The following VPS13B variants were observed in gnomAD, a reference collection of about 807,000 sequenced individuals.
The protein encoded by VPS13B is vacuolar protein sorting 13 homolog B.
A neutral mutation model predicts 426.4 loss-of-function variants in VPS13B; 285 were observed. The ratio of observed to expected loss-of-function variants is 0.67; its 90% CI spans 0.61 to 0.74. The LOEUF (loss-of-function observed/expected upper bound fraction) is 0.74, where lower values mean the gene tolerates loss of function less well. VPS13B is among the 30% of genes least tolerant of loss of function. VPS13B has a pLI of 0.00. For synonymous variants in VPS13B, 1,676 were observed against 1,676.4 expected, an observed-to-expected ratio of 1.00 and a Z score of 0.01; for missense variants, 4,537 against 4,782.6, an observed-to-expected ratio of 0.95 and a Z score of 1.51.
intron 21 of VPS13B, among the ~76,000 whole-genome samples, chr8:99,393,888 T>C (rs1396417703): frequency 6.6e-6 from 1 of 152,142 alleles, no homozygotes; most frequent in Non-Finnish European, 1.5e-5. Context: ...CAGTCTTCTT[T>C]TTTAGAATAA....
chr8:99,751,331 GAGA>G (rs577229481), intron 39 of VPS13B, among the ~76,000 whole-genome samples: 253 of 152,114 alleles, frequency 1.7e-3, no homozygotes, highest in Non-Finnish European at 3.0e-3. Flanking sequence ...CTTATTATAT[GAGA>G]AGAAGATCTC....
chr8:99,855,430 T>C lies in VPS13B; in HGVS notation c.10867+1174T>C, dbSNP rs377198285. Among the ~76,000 whole-genome samples the C allele has an allele frequency of 1.6e-4, 24 of 152,264 alleles. No homozygotes were observed. The East Asian group carries it at 3.7e-3, about 23-fold the overall frequency. On this transcript the variant is annotated intron_variant, in intron 56 of 61. Coordinates refer to ENST00000357162, the MANE Select transcript of VPS13B (RefSeq NM_152564.5). Reference sequence around the variant, plus strand: ...AACCATGTGGTCTCAGGGTACGTTATGGTAATCGGCATCACAGTGTGTGTT... The same window carrying C: ...AACCATGTGGTCTCAGGGTACGTTACGGTAATCGGCATCACAGTGTGTGTT...
At chr8:99,028,332 G>A (rs1247703511) in intron 2 of VPS13B, among the ~76,000 whole-genome samples, 1 of 150,580 alleles carries the variant, frequency 6.6e-6, no homozygotes, top group South Asian at 2.1e-4. Flanking sequence ...GCGGCTGGCC[G>A]GGCAGGGGGC....
At chr8:99,381,579 C>T (rs1036497529) in intron 19 of VPS13B, among the ~76,000 whole-genome samples, 8 of 152,110 alleles carry the variant, frequency 5.3e-5, no homozygotes, top group Admixed American at 1.3e-4. Flanking sequence ...TATTTTTTGA[C>T]GTTTTAATAA....
intron 40 of VPS13B, 94 bp downstream of exon 40, chr8:99,767,064 C>A: frequency 1.6e-6 from 2 of 1,243,998 alleles, no homozygotes; most frequent in Non-Finnish European, 2.3e-6. Flanking sequence ...AACTGTATCT[C>A]AGCTGTCTAG....
intron 51 of VPS13B, among the ~76,000 whole-genome samples, chr8:99,828,528 C>G (rs149368359): frequency 6.7e-6 from 1 of 149,308 alleles, no homozygotes; most frequent in Non-Finnish European, 1.5e-5. Flanking sequence ...ATACAGCACA[C>G]TGATAGGTGT....
At chr8:99,344,083 A>G (rs1345181626) in intron 19 of VPS13B, among the ~76,000 whole-genome samples, 1 of 152,216 alleles carries the variant, frequency 6.6e-6, no homozygotes, top group African/African-American at 2.4e-5. Flanking sequence ...TGTTATCAAA[A>G]CAGGATGATA....
intron 3 of VPS13B, among the ~76,000 whole-genome samples, chr8:99,070,881 T>G (rs959767098): frequency 2.0e-5 from 3 of 152,202 alleles, no homozygotes; most frequent in Admixed American, 1.3e-4. Flanking sequence ...TGAGAGGTTC[T>G]GATGCATTCT....
chr8:99,697,156 T>G, intron 35 of VPS13B: 1 of 537,386 alleles, frequency 1.9e-6, no homozygotes, highest in Non-Finnish European at 3.4e-6. Flanking sequence ...CTCCCAGAGA[T>G]TGTGGCAAAG....
At chr8:99,779,707 G>C (rs1811919423) in intron 42 of VPS13B, among the ~76,000 whole-genome samples, 1 of 152,186 alleles carries the variant, frequency 6.6e-6, no homozygotes, top group Non-Finnish European at 1.5e-5. Context: ...ATGTCTGCTA[G>C]CACAAAAGTA....
At chr8:99,415,312 TC>T (rs977635670) in intron 21 of VPS13B, among the ~76,000 whole-genome samples, 2 of 152,006 alleles carry the variant, frequency 1.3e-5, no homozygotes, top group African/African-American at 4.8e-5. Context: ...TAGCAATTCC[TC>T]TAACCCTTTT....
intron 31 of VPS13B, among the ~76,000 whole-genome samples, chr8:99,573,144 G>A (rs1825575582): frequency 6.6e-6 from 1 of 151,948 alleles, no homozygotes; most frequent in Non-Finnish European, 1.5e-5. Flanking sequence ...ACTTTTTGAT[G>A]GGGTTGCTTT....
chr8:99,479,932 G>A (rs889684580), intron 24 of VPS13B, among the ~76,000 whole-genome samples: 8 of 152,144 alleles, frequency 5.3e-5, no homozygotes, highest in African/African-American at 1.9e-4. Context: ...GGAATAGCTG[G>A]ATCATATACG....
chr8:99,167,544 T>C (rs951645751), intron 15 of VPS13B, among the ~76,000 whole-genome samples: 5 of 152,174 alleles, frequency 3.3e-5, no homozygotes, highest in African/African-American at 1.2e-4. Flanking sequence ...TTTTGTCTTT[T>C]TAAAATAGCA....
At chr8:99,150,554 CT>C (rs1276372428) in intron 14 of VPS13B, among the ~76,000 whole-genome samples, 1 of 152,238 alleles carries the variant, frequency 6.6e-6, no homozygotes, top group Non-Finnish European at 1.5e-5. Context: ...CTTCCTCTCC[CT>C]AACCACTGGC....
chr8:99,181,543 T>G (rs999044649), intron 16 of VPS13B, among the ~76,000 whole-genome samples: 5 of 152,214 alleles, frequency 3.3e-5, no homozygotes, highest in African/African-American at 1.2e-4. Context: ...AATTCTTAAT[T>G]CTTACCTTCG....
intron 19 of VPS13B, among the ~76,000 whole-genome samples, chr8:99,325,799 C>G (rs1810226007): frequency 6.6e-6 from 1 of 152,152 alleles, no homozygotes; most frequent in South Asian, 2.1e-4. Flanking sequence ...ATATAAATGC[C>G]TATCAACCCT....
intron 17 of VPS13B, among the ~76,000 whole-genome samples, chr8:99,249,113 G>A (rs1337276440): frequency 6.6e-6 from 1 of 151,768 alleles, no homozygotes. Context: ...TCCTTTTCTG[G>A]ACATCTGATA....
intron 39 of VPS13B, among the ~76,000 whole-genome samples, chr8:99,758,940 G>A (rs1810775916): frequency 1.3e-5 from 2 of 152,096 alleles, no homozygotes; most frequent in Admixed American, 1.3e-4. Context: ...CTCAAGGCCA[G>A]GAGGATAAGT....
Sources: allele counts gnomAD v4.1 joint callset (sites outside exome capture counted in the v4.1 genomes callset), GRCh38; gene constraint gnomAD v4.1.1; transcripts MANE v1.5; gene names NCBI Gene and HGNC (gene_info 2026-07-23, HGNC 2026-07-21).